The following KCNMB2 variants were observed in gnomAD, a reference collection of about 807,000 sequenced individuals.
The protein encoded by KCNMB2 is potassium calcium-activated channel subfamily M regulatory beta subunit 2, also known as calcium-activated potassium channel subunit beta-2.
KCNMB2 carries 9 observed loss-of-function variants against 24.5 expected under a neutral mutation model. That is an observed-to-expected ratio of 0.37 (90% CI 0.22 to 0.64). The LOEUF (loss-of-function observed/expected upper bound fraction) is 0.64, where lower values mean the gene tolerates loss of function less well. Ranked by LOEUF, KCNMB2 falls within the 30% of genes least tolerant of loss-of-function variation. The pLI is 0.63. For synonymous variants in KCNMB2, 109 were observed against 104.4 expected, an observed-to-expected ratio of 1.04 and a Z score of -0.27; for missense variants, 226 against 284.3, an observed-to-expected ratio of 0.79 and a Z score of 1.47.
chr3:178,680,995 T>C (rs1018158504), intron 1 of KCNMB2, among the ~76,000 whole-genome samples: 2 of 152,156 alleles, frequency 1.3e-5, no homozygotes, highest in Non-Finnish European at 2.9e-5. Context: ...GATTGTGACT[T>C]TTCTCACAGT....
chr3:178,683,529 A>G (rs1721349055), intron 1 of KCNMB2, among the ~76,000 whole-genome samples: 1 of 152,208 alleles, frequency 6.6e-6, no homozygotes, highest in Non-Finnish European at 1.5e-5. Context: ...AATCACATAG[A>G]AATTACTAAT....
chr3:178,760,349 CAT>C lies in KCNMB2; in HGVS notation c.-67-46985_-67-46984del, dbSNP rs1162268526. On this transcript the variant is annotated intron_variant, in intron 1 of 4. Transcript: ENST00000452583. ...ATATAGATATATATCTCCTTCGTTA[CAT>C]ATATATATCCATATCCAAGATATAT... 2.5e-4 allele frequency among the ~76,000 whole-genome samples: 21 copies of C among 82,602 alleles called. 1 individual carries two copies. Among genetic ancestry groups the C allele is most frequent in the African/African-American group, 9.0e-4 (21 of 23,366 alleles). The allele number at this position is 82,602 out of a possible 152,430, so 54.2% of individuals were successfully genotyped here. A position where few individuals can be genotyped will look rare whatever the true frequency, so the allele number is the denominator to read the frequency against.
chr3:178,827,978 C>T (rs148312462), intron 3 of KCNMB2, among the ~76,000 whole-genome samples, 200 bp from the exon 4 acceptor site: 139 of 152,342 alleles, frequency 9.1e-4, no homozygotes, highest in African/African-American at 3.2e-3. Context: ...AACGTTCTCA[C>T]GTGTCCACGT....
At chr3:178,824,992 A>G (rs746040174) in intron 2 of KCNMB2, among the ~76,000 whole-genome samples, 2 of 152,216 alleles carry the variant, frequency 1.3e-5, no homozygotes, top group African/African-American at 2.4e-5. Context: ...GTTTTCACAT[A>G]TAAGAATAGC....
chr3:178,787,532 G>T (rs550151333), intron 1 of KCNMB2, among the ~76,000 whole-genome samples: 3 of 152,198 alleles, frequency 2.0e-5, no homozygotes, highest in African/African-American at 7.2e-5. Context: ...AAAAGCATTA[G>T]AAATTGCCCA....
intron 1 of KCNMB2, among the ~76,000 whole-genome samples, chr3:178,755,048 C>G (rs530034228): frequency 6.6e-6 from 1 of 152,306 alleles, no homozygotes; most frequent in Admixed American, 6.5e-5. Context: ...ACACATTAGG[C>G]TCCCCTACCG....
At chr3:178,737,207 T>C (rs1034596628) in intron 1 of KCNMB2, among the ~76,000 whole-genome samples, 8 of 152,016 alleles carry the variant, frequency 5.3e-5, no homozygotes, top group African/African-American at 1.9e-4. Flanking sequence ...GAGGCGGAGG[T>C]TGCAGTGAGC....
Position 178,580,235 on chromosome 3 carries a change from C to T in KCNMB2, c.-68+43524C>T, listed in dbSNP as rs181712176. Reference sequence around the variant, plus strand: ...GGTTCAACATATGCAAATCAATAAACTTAATCCAACACATAACCAGAACCA... The same window carrying T: ...GGTTCAACATATGCAAATCAATAAATTTAATCCAACACATAACCAGAACCA... On this transcript the variant is annotated intron_variant, in intron 1 of 4. Transcript: ENST00000452583. Among the ~76,000 whole-genome samples the T allele has an allele frequency of 1.4e-3, 220 of 152,264 alleles. 1 individual carries two copies. The highest frequency in any genetic ancestry group is 4.9e-3 in the African/African-American group (204 of 41,548).
intron 1 of KCNMB2, among the ~76,000 whole-genome samples, chr3:178,560,513 G>A (rs573574204): frequency 3.5e-4 from 54 of 152,160 alleles, no homozygotes; most frequent in Non-Finnish European, 6.2e-4. Flanking sequence ...ATTACTGCAT[G>A]GGCAAATGCA....
chr3:178,843,090 T>C lies in KCNMB2; in HGVS notation c.*153T>C, dbSNP rs902102283. On this transcript the variant is annotated 3_prime_UTR_variant, in exon 5 of 5. Transcript: ENST00000452583. ...GCAATAATGCAAAAGCTGTTCTATA[T>C]GCAAACATGATGTCTTTATTATTCA... The C allele has an allele frequency of 7.3e-6, 5 of 687,784 alleles. No homozygotes were observed. The highest frequency in any genetic ancestry group is 1.3e-5 in the Non-Finnish European group (5 of 386,480). 42.6% of individuals were successfully genotyped at this position (687,784 alleles called of 1,614,324 possible).
rs137921382 is a variant in KCNMB2, at chr3:178,693,413, G to T, written c.-67-113930G>T. Reference sequence around the variant, plus strand: ...GTTTATATGACTCTTATAATTTTGAGGTATGTTCCTTCAATAACGAGTTTA... The same window carrying T: ...GTTTATATGACTCTTATAATTTTGATGTATGTTCCTTCAATAACGAGTTTA... On this transcript the variant is annotated intron_variant, in intron 1 of 4. Transcript: ENST00000452583. 3.3e-5 allele frequency among the ~76,000 whole-genome samples: 5 copies of T among 152,132 alleles called. No homozygotes were observed. In the East Asian group the frequency reaches 9.7e-4, roughly 29 times the overall value.
At chr3:178,608,484 T>C (rs545663339) in intron 1 of KCNMB2, among the ~76,000 whole-genome samples, 21 of 152,314 alleles carry the variant, frequency 1.4e-4, no homozygotes, top group African/African-American at 4.8e-4. Flanking sequence ...AGCACAATAA[T>C]AGAGAATGGG....
intron 1 of KCNMB2, among the ~76,000 whole-genome samples, chr3:178,738,634 GC>G (rs757633602): frequency 3.4e-4 from 51 of 152,046 alleles, no homozygotes; most frequent in Non-Finnish European, 7.1e-4. Context: ...CCAACTTAAA[GC>G]CCCATTTTTG....
At chr3:178,756,327 TTA>T (rs1560004056) in intron 1 of KCNMB2, among the ~76,000 whole-genome samples, 1 of 151,920 alleles carries the variant, frequency 6.6e-6, no homozygotes, top group African/African-American at 2.4e-5. Context: ...TTTGCATTAT[TTA>T]TGTTATGTAA....
intron 1 of KCNMB2, among the ~76,000 whole-genome samples, chr3:178,794,633 T>C (rs141920802): frequency 6.6e-6 from 1 of 152,284 alleles, no homozygotes; most frequent in African/African-American, 2.4e-5. Context: ...AAAATGACGA[T>C]TATAACCAGC....
intron 1 of KCNMB2, among the ~76,000 whole-genome samples, chr3:178,684,240 C>A (rs1486281101): frequency 6.7e-6 from 1 of 148,972 alleles, no homozygotes. Context: ...GTGAAATAAG[C>A]CAAACACAGA....
chr3:178,801,069 T>C (rs1713756037), intron 1 of KCNMB2, among the ~76,000 whole-genome samples: 1 of 152,066 alleles, frequency 6.6e-6, no homozygotes, highest in South Asian at 2.1e-4. Flanking sequence ...GAATGGTTAA[T>C]GGGTACAAAA....
At chr3:178,768,982 G>C (rs991137187) in intron 1 of KCNMB2, among the ~76,000 whole-genome samples, 2 of 152,114 alleles carry the variant, frequency 1.3e-5, no homozygotes, top group African/African-American at 2.4e-5. Flanking sequence ...CAATATTAGA[G>C]AGCTGTCTAA....
chr3:178,699,292 C>T (rs1328173341), intron 1 of KCNMB2, among the ~76,000 whole-genome samples: 4 of 152,228 alleles, frequency 2.6e-5, no homozygotes, highest in Admixed American at 1.3e-4. Flanking sequence ...GGCTTGCTGG[C>T]TCTGTGCCAG....
Sources: allele counts gnomAD v4.1 joint callset (sites outside exome capture counted in the v4.1 genomes callset), GRCh38; gene constraint gnomAD v4.1.1; transcripts MANE v1.5; gene names NCBI Gene and HGNC (gene_info 2026-07-23, HGNC 2026-07-21).